The following NR3C2 variants were observed in gnomAD, a reference collection of about 807,000 sequenced individuals.
The protein encoded by NR3C2 is mineralocorticoid receptor.
A neutral mutation model predicts 86.4 loss-of-function variants in NR3C2; 15 were observed. That is an observed-to-expected ratio of 0.17 (90% confidence interval 0.12 to 0.27). The LOEUF is 0.27. NR3C2 is among the 10% of genes least tolerant of loss of function. The pLI is 1.00. For synonymous variants in NR3C2, 458 were observed against 450.5 expected (o/e 1.02, Z -0.21); for missense variants, 960 against 1,195.6 (o/e 0.80, Z 2.91).
intron 3 of NR3C2, among the ~76,000 whole-genome samples, chr4:148,216,369 T>A (rs1234974697): frequency 6.6e-6 from 1 of 152,120 alleles, no homozygotes; most frequent in Non-Finnish European, 1.5e-5. Flanking sequence ...CTTTATTGGA[T>A]CATTTAACTA....
intron 1 of NR3C2, among the ~76,000 whole-genome samples, chr4:148,438,927 A>C (rs939045572): frequency 1.3e-5 from 2 of 152,256 alleles, no homozygotes; most frequent in Non-Finnish European, 2.9e-5. Context: ...CCAAACATTA[A>C]AATCTACCAA....
At chr4:148,237,671 GTT>G (rs138670744) in intron 3 of NR3C2, among the ~76,000 whole-genome samples, 50,265 of 143,408 alleles carry the variant, frequency 0.35, 9,284 homozygotes, top group East Asian at 0.48. Context: ...AACAAAATGG[GTT>G]TTTTTTTTTT....
chr4:148,319,536 A>G (rs1743431952), intron 2 of NR3C2, among the ~76,000 whole-genome samples: 1 of 148,466 alleles, frequency 6.7e-6, no homozygotes, highest in Non-Finnish European at 1.5e-5. Flanking sequence ...ATTTGTTTGT[A>G]TCCTCTTTTA....
At chr4:148,090,109 C>T (rs1363777534) in intron 8 of NR3C2, among the ~76,000 whole-genome samples, 1 of 152,168 alleles carries the variant, frequency 6.6e-6, no homozygotes, top group East Asian at 1.9e-4. Flanking sequence ...CCTTTATCTA[C>T]AACTCATCCT....
chr4:148,154,950 T>C lies in NR3C2; in HGVS notation c.2015-49A>G, dbSNP rs370893454. 9.0e-4 allele frequency: 1,283 copies of C among 1,421,116 alleles called. 1 individual carries two copies. The highest frequency in any genetic ancestry group is 1.0e-3 in the Non-Finnish European group (1,051 of 1,036,206). The allele number at this position is 1,421,116 out of a possible 1,614,324, so 88.0% of individuals were successfully genotyped here. The stretch of plus-strand genomic sequence containing the variant: ...GGCCAAATTAAAATTATGTTTGAAA[T>C]ATGCTGACTCACACTGGTTAAAGTA... On this transcript the variant is annotated intron_variant, in intron 4 of 8. Coordinates refer to ENST00000358102, the MANE Select transcript of NR3C2 (RefSeq NM_000901.5).
intron 2 of NR3C2, among the ~76,000 whole-genome samples, chr4:148,358,968 GCA>G (rs4027011): frequency 0.97 from 146,789 of 150,904 alleles, 71,428 homozygotes; most frequent in South Asian, 1. Flanking sequence ...TTACACACAC[GCA>G]CACACACACA....
chr4:148,251,974 T>C lies in NR3C2; in HGVS notation c.1897+8004A>G, dbSNP rs187922743. On this transcript the variant is annotated intron_variant, in intron 3 of 8. Transcript: ENST00000358102. Reference sequence around the variant, plus strand: ...TGATATTACTCTGTGAGAGGCAATATAGCTGATGTGTTAAGTACATACAAT... The same window carrying C: ...TGATATTACTCTGTGAGAGGCAATACAGCTGATGTGTTAAGTACATACAAT... Among the ~76,000 whole-genome samples, 13 of 152,220 alleles carry C rather than the reference T, an allele frequency of 8.5e-5. No homozygotes were observed. In the South Asian group the frequency reaches 1.9e-3, roughly 22 times the overall value.
intron 8 of NR3C2, among the ~76,000 whole-genome samples, chr4:148,108,803 T>C (rs950758978): frequency 6.6e-5 from 10 of 152,216 alleles, no homozygotes; most frequent in Admixed American, 1.3e-4. Context: ...TGGGATCTGC[T>C]ACACACACAT....
At chr4:148,215,369 A>C (rs1737479247) in intron 3 of NR3C2, among the ~76,000 whole-genome samples, 1 of 152,202 alleles carries the variant, frequency 6.6e-6, no homozygotes, top group South Asian at 2.1e-4. Context: ...TTATCCATGA[A>C]CTGCTGCTGC....
intron 8 of NR3C2, among the ~76,000 whole-genome samples, chr4:148,104,227 G>A (rs1188743434): frequency 6.6e-6 from 1 of 152,042 alleles, no homozygotes; most frequent in Non-Finnish European, 1.5e-5. Flanking sequence ...TTACCCACTA[G>A]GCAATGAGTA....
At chr4:148,247,570 A>G (rs1739377753) in intron 3 of NR3C2, among the ~76,000 whole-genome samples, 1 of 151,698 alleles carries the variant, frequency 6.6e-6, no homozygotes, top group African/African-American at 2.4e-5. Flanking sequence ...ACAGTAGATG[A>G]TTTAAAAAAT....
intron 3 of NR3C2, among the ~76,000 whole-genome samples, chr4:148,219,497 G>A (rs145575169): frequency 1.3e-5 from 2 of 152,194 alleles, no homozygotes; most frequent in African/African-American, 4.8e-5. Flanking sequence ...GAAGTCAAAA[G>A]TATTTTCATA....
At chr4:148,366,004 AAAC>A in intron 2 of NR3C2, among the ~76,000 whole-genome samples, 1 of 152,268 alleles carries the variant, frequency 6.6e-6, no homozygotes, top group African/African-American at 2.4e-5. Flanking sequence ...TCTAAAAATC[AAAC>A]AAAAAAACCC....
chr4:148,261,251 A>C (rs148691804), intron 2 of NR3C2, among the ~76,000 whole-genome samples: 1 of 148,092 alleles, frequency 6.8e-6, no homozygotes. Context: ...GCTATGGTGC[A>C]CTATGGTCAG....
intron 2 of NR3C2, among the ~76,000 whole-genome samples, chr4:148,283,456 C>T (rs1443363450): frequency 6.6e-6 from 1 of 152,158 alleles, no homozygotes; most frequent in Admixed American, 6.5e-5. Flanking sequence ...GCAATGGTGA[C>T]CCCAATAACT....
intron 4 of NR3C2, among the ~76,000 whole-genome samples, chr4:148,170,809 C>T (rs769480135): frequency 3.9e-5 from 6 of 152,188 alleles, no homozygotes; most frequent in African/African-American, 1.4e-4. Flanking sequence ...AATCTACAAA[C>T]ATAATTTACA....
chr4:148,185,965 T>C (rs992389098), intron 4 of NR3C2, among the ~76,000 whole-genome samples: 3 of 152,178 alleles, frequency 2.0e-5, no homozygotes, highest in African/African-American at 7.2e-5. Context: ...CAAGAATATA[T>C]ATAGGATAAA....
At chr4:148,143,308 G>A (rs747451779) in intron 6 of NR3C2, among the ~76,000 whole-genome samples, 18 of 152,166 alleles carry the variant, frequency 1.2e-4, no homozygotes, top group African/African-American at 4.3e-4. Flanking sequence ...TCACTGAAAC[G>A]ACATATTATT....
intron 6 of NR3C2, among the ~76,000 whole-genome samples, chr4:148,141,954 A>G (rs1484063959): frequency 6.6e-6 from 1 of 152,124 alleles, no homozygotes; most frequent in Non-Finnish European, 1.5e-5. Context: ...CCGCTGCTAT[A>G]GAGTGTATGA....
Sources: allele counts gnomAD v4.1 joint callset (sites outside exome capture counted in the v4.1 genomes callset), GRCh38; gene constraint gnomAD v4.1.1; transcripts MANE v1.5; gene names NCBI Gene and HGNC (gene_info 2026-07-23, HGNC 2026-07-21).